The following ACOT12 variants were observed in gnomAD, a reference collection of about 807,000 sequenced individuals.
The protein encoded by ACOT12 is acyl-CoA thioesterase 12, also known as acetyl-coenzyme A thioesterase.
A neutral mutation model predicts 67.7 loss-of-function variants in ACOT12; 51 were observed. That is an observed-to-expected ratio of 0.75 (90% confidence interval 0.60 to 0.95). The LOEUF (loss-of-function observed/expected upper bound fraction) is 0.95. Among genes scored for constraint, ACOT12 ranks in the 40% least tolerant of loss-of-function variants. The pLI is 0.00. For missense variants in ACOT12, 734 were observed against 708.1 expected (o/e 1.04, Z -0.41); for synonymous variants, 251 against 244.6 (o/e 1.03, Z -0.24).
intron 1 of ACOT12, among the ~76,000 whole-genome samples, chr5:81,387,356 G>A (rs1760757244): frequency 6.6e-6 from 1 of 152,010 alleles, no homozygotes; most frequent in African/African-American, 2.4e-5. Flanking sequence ...CCCTTTTAGA[G>A]CTTAAGTTTT....
the ACOT12 span, chr5:81,308,879 AAAT>A: frequency 1.6e-5 from 24 of 1,455,298 alleles, no homozygotes; most frequent in South Asian, 2.7e-4. Flanking sequence ...GAGTATTTTA[AAAT>A]AATGTTAATT....
At chr5:81,339,044 C>A (rs1759103590) in intron 11 of ACOT12, among the ~76,000 whole-genome samples, 1 of 152,236 alleles carries the variant, frequency 6.6e-6, no homozygotes, top group Non-Finnish European at 1.5e-5. Context: ...CACACCACTG[C>A]ACTCCAACCT....
the ACOT12 span, chr5:81,309,038 G>C: frequency 6.2e-7 from 1 of 1,606,948 alleles, no homozygotes; most frequent in South Asian, 1.1e-5. Context: ...CTATGCTGAT[G>C]GTAAGTACTG....
At chr5:81,377,733 A>T (rs1263265939) in intron 2 of ACOT12, among the ~76,000 whole-genome samples, 2 of 152,198 alleles carry the variant, frequency 1.3e-5, no homozygotes, top group Admixed American at 1.3e-4. Context: ...ACTCCCATTC[A>T]CCATTGCTTC....
In ACOT12 at chr5:81,332,589, CTA is replaced by C. The variant is rs1758865371; in HGVS notation, c.1277_1278del (p.Ile426ArgfsTer5). 1.9e-6 allele frequency: 3 copies of C among 1,614,064 alleles called. No homozygotes were observed. Among genetic ancestry groups the C allele is most frequent in the Non-Finnish European group, 2.5e-6 (3 of 1,179,990 alleles). ...AGCTGATCATCTTCACTCACCCAGT[CTA>C]TGACTTCACAGGACCTGTGTATATA... ...WDPHFVSCEV[I>X]DWVSEDDQLY... On this transcript the variant is annotated frameshift_variant, in exon 13 of 15. Coordinates refer to ENST00000307624, the MANE Select transcript of ACOT12 (RefSeq NM_130767.3). LOFTEE classifies it high-confidence loss of function.
chr5:81,330,129 G>A lies in ACOT12; in HGVS notation c.*265C>T, dbSNP rs1175405950. On this transcript the variant is annotated 3_prime_UTR_variant, in exon 15 of 15. Transcript: ENST00000307624. ...GCCATTTTATAGAACACATAGTACT[G>A]CATACAGGCAATTTTCCACTATCTG... The A allele has an allele frequency of 3.0e-6, 1 of 330,110 alleles. No homozygotes were observed. The highest frequency in any genetic ancestry group is 5.6e-6 in the Non-Finnish European group (1 of 179,770). The allele number at this position is 330,110 out of a possible 1,614,324, so 20.4% of individuals were successfully genotyped here.
the ACOT12 span, among the ~76,000 whole-genome samples, chr5:81,320,818 C>T: frequency 6.6e-6 from 1 of 152,140 alleles, no homozygotes; most frequent in African/African-American, 2.4e-5. Flanking sequence ...GTTTGGGCCA[C>T]TATAACCAAA....
chr5:81,350,104 G>A (rs1029628804), intron 5 of ACOT12, among the ~76,000 whole-genome samples: 6 of 151,940 alleles, frequency 3.9e-5, no homozygotes, highest in Non-Finnish European at 7.4e-5. Context: ...TCTCATTTCC[G>A]GAGAATTTTT....
At chr5:81,321,375 C>T in the ACOT12 span, among the ~76,000 whole-genome samples, 6 of 152,202 alleles carry the variant, frequency 3.9e-5, no homozygotes, top group African/African-American at 1.4e-4. Flanking sequence ...GAGGGCTCAG[C>T]CCTCAGACCA....
At chr5:81,383,294 G>A (rs189888636) in intron 2 of ACOT12, among the ~76,000 whole-genome samples, 61 of 152,120 alleles carry the variant, frequency 4.0e-4, no homozygotes, top group African/African-American at 1.4e-3. Context: ...CAGGACAATC[G>A]CTTGAACCTG....
At chr5:81,353,121 A>G (rs1452922681) in intron 5 of ACOT12, among the ~76,000 whole-genome samples, 1 of 152,210 alleles carries the variant, frequency 6.6e-6, no homozygotes, top group African/African-American at 2.4e-5. Flanking sequence ...TTTAAAGAGA[A>G]ACCACATACT....
chr5:81,377,498 G>A (rs919314850), intron 2 of ACOT12, among the ~76,000 whole-genome samples: 4 of 152,042 alleles, frequency 2.6e-5, no homozygotes, highest in Non-Finnish European at 5.9e-5. Context: ...AGGACAATCC[G>A]GCAAGAGAAA....
chr5:81,337,155 A>G (rs964419159), intron 11 of ACOT12, among the ~76,000 whole-genome samples: 5 of 152,108 alleles, frequency 3.3e-5, no homozygotes, highest in African/African-American at 1.2e-4. Flanking sequence ...ATCCAGAGAG[A>G]TTATCAGATT....
At chr5:81,362,318 A>G (rs1759938461) in intron 4 of ACOT12, among the ~76,000 whole-genome samples, 1 of 151,996 alleles carries the variant, frequency 6.6e-6, no homozygotes, top group South Asian at 2.1e-4. Context: ...GGCATGCACC[A>G]CCACGCCCAG....
In ACOT12 at chr5:81,363,872, C is replaced by A; in HGVS notation, c.276G>T (p.Met92Ile). 6.2e-7 allele frequency: 1 copy of A among 1,607,184 alleles called. No homozygotes were observed. ...CAATGCCAGTGAGCATATCCTGTACCATGACCTTGATACTGATCTAAAATG... is the reference window on the plus strand; with the variant it reads ...CAATGCCAGTGAGCATATCCTGTACAATGACCTTGATACTGATCTAAAATG... Reference protein sequence around the residue: ...STSMEISIKVMVQDMLTGIEK... With the variant: ...STSMEISIKVIVQDMLTGIEK... Residue 92 changes from methionine (M) to isoleucine (I), a missense_variant, in exon 4 of 15, where the codon ATG becomes ATT. Coordinates refer to ENST00000307624, the MANE Select transcript of ACOT12 (RefSeq NM_130767.3).
chr5:81,373,394 T>A (rs1282836852), intron 2 of ACOT12, among the ~76,000 whole-genome samples: 1 of 152,216 alleles, frequency 6.6e-6, no homozygotes, highest in Non-Finnish European at 1.5e-5. Context: ...TTCCCTCCGG[T>A]GCCTAGGCCA....
At chr5:81,366,658 A>C (rs1409608724) in intron 3 of ACOT12, among the ~76,000 whole-genome samples, 1 of 152,192 alleles carries the variant, frequency 6.6e-6, no homozygotes, top group Non-Finnish European at 1.5e-5. Flanking sequence ...CTGACTCCTA[A>C]TATAGAGAAA....
intron 1 of ACOT12, among the ~76,000 whole-genome samples, chr5:81,388,588 T>G (rs1760789411): frequency 1.3e-5 from 2 of 152,232 alleles, no homozygotes; most frequent in Admixed American, 1.3e-4. Context: ...AGATATTGAT[T>G]GAACACTTGT....
At chr5:81,361,285 T>A (rs1759901410) in intron 4 of ACOT12, among the ~76,000 whole-genome samples, 1 of 151,434 alleles carries the variant, frequency 6.6e-6, no homozygotes, top group African/African-American at 2.4e-5. Flanking sequence ...TAATCATAGC[T>A]TCCTGTAACC....
Sources: allele counts gnomAD v4.1 joint callset (sites outside exome capture counted in the v4.1 genomes callset), GRCh38; gene constraint gnomAD v4.1.1; transcripts MANE v1.5; gene names NCBI Gene and HGNC (gene_info 2026-07-23, HGNC 2026-07-21).